ZFAT: variants seen among roughly 807,000 people sequenced by gnomAD.
ZFAT encodes zinc finger protein ZFAT.
Under a neutral mutation model 117.7 loss-of-function variants are expected in ZFAT, and 64 were observed. That is an observed-to-expected ratio of 0.54 (90% CI 0.44 to 0.67). The LOEUF is 0.67. ZFAT is among the 30% of genes least tolerant of loss of function. The pLI, the probability that ZFAT is intolerant of heterozygous loss-of-function variation, is 0.00. For missense variants in ZFAT, 1,433 were observed against 1,584.5 expected (o/e 0.90, Z 1.62); for synonymous variants, 679 against 615.0 (o/e 1.10, Z -1.54).
intron 2 of ZFAT, chr8:134,639,847 A>G (rs1040036809): frequency 4.2e-5 from 19 of 450,234 alleles, no homozygotes; most frequent in African/African-American, 3.6e-4. Flanking sequence ...CCAGGTCTAA[A>G]CCCAGTGACA....
the ZFAT span, among the ~76,000 whole-genome samples, chr8:134,829,680 A>G: frequency 6.6e-6 from 1 of 152,182 alleles, no homozygotes; most frequent in Non-Finnish European, 1.5e-5. Flanking sequence ...CTAGTAATTA[A>G]TTTGTTTTGC....
At chr8:134,597,101 C>T (rs1279246798) in intron 7 of ZFAT, among the ~76,000 whole-genome samples, 1 of 151,988 alleles carries the variant, frequency 6.6e-6, no homozygotes, top group African/African-American at 2.4e-5. Flanking sequence ...CGTTAACTGT[C>T]CTTGAAAATA....
chr8:134,534,392 A>C (rs1821661602), intron 11 of ZFAT, among the ~76,000 whole-genome samples: 1 of 152,222 alleles, frequency 6.6e-6, no homozygotes, highest in Admixed American at 6.5e-5. Context: ...ACTGTTGCCC[A>C]GAAGAGCTAA....
At chr8:134,663,612 C>T (rs184996486) in intron 1 of ZFAT, among the ~76,000 whole-genome samples, 90 of 152,216 alleles carry the variant, frequency 5.9e-4, no homozygotes, top group African/African-American at 2.0e-3. Flanking sequence ...GGGGCATACA[C>T]CTACAATCCC....
At chr8:134,535,865 T>C (rs1821798410) in intron 11 of ZFAT, among the ~76,000 whole-genome samples, 1 of 152,202 alleles carries the variant, frequency 6.6e-6, no homozygotes, top group African/African-American at 2.4e-5. Flanking sequence ...AAGATATTAT[T>C]TTTGGAATGT....
Position 134,556,539 on chromosome 8 carries a change from A to T in ZFAT, c.2976+8794T>A, listed in dbSNP as rs532070945. On this transcript the variant is annotated intron_variant, in intron 11 of 15. Transcript: ENST00000377838. ...TAGACTTGCTGATGTTAATATGATGAAAACCAAAAAAAAAGAGGAAAATCT... is the reference window on the plus strand; with the variant it reads ...TAGACTTGCTGATGTTAATATGATGTAAACCAAAAAAAAAGAGGAAAATCT... Among the ~76,000 whole-genome samples, 3 of 152,260 alleles carry T rather than the reference A, an allele frequency of 2.0e-5. No homozygotes were observed. In the East Asian group the frequency reaches 5.8e-4, roughly 29 times the overall value.
At chr8:134,654,223 A>G (rs2131187832) in intron 2 of ZFAT, among the ~76,000 whole-genome samples, 1 of 152,274 alleles carries the variant, frequency 6.6e-6, no homozygotes, top group Non-Finnish European at 1.5e-5. Context: ...TGAACCCGGG[A>G]GACGGACGTT....
At chr8:134,513,197 C>CTTT (rs763874079) in intron 13 of ZFAT, among the ~76,000 whole-genome samples, 1 of 132,976 alleles carries the variant, frequency 7.5e-6, no homozygotes, top group Non-Finnish European at 1.6e-5. Context: ...GCTATTTGTG[C>CTTT]TTTTTTTTTT....
At chr8:134,573,204 T>C (rs1170692346) in intron 10 of ZFAT, among the ~76,000 whole-genome samples, 2 of 152,172 alleles carry the variant, frequency 1.3e-5, no homozygotes, top group African/African-American at 4.8e-5. Flanking sequence ...TAACAATCCA[T>C]TGAGCTGTAC....
the ZFAT span, among the ~76,000 whole-genome samples, chr8:134,755,665 G>A: frequency 1.3e-5 from 2 of 150,960 alleles, no homozygotes; most frequent in Admixed American, 6.6e-5. Flanking sequence ...TACAAAAATT[G>A]TCTGGGTGTG....
At chr8:134,641,796 C>T (rs1158246934) in intron 2 of ZFAT, among the ~76,000 whole-genome samples, 1 of 152,176 alleles carries the variant, frequency 6.6e-6, no homozygotes, top group African/African-American at 2.4e-5. Context: ...AAGGGCTGAG[C>T]CACAGTGCCT....
At chr8:134,665,737 C>CAG (rs957400415) in intron 1 of ZFAT, among the ~76,000 whole-genome samples, 9 of 151,950 alleles carry the variant, frequency 5.9e-5, no homozygotes, top group Admixed American at 3.9e-4. Context: ...CTGTGCATCA[C>CAG]AGAGAGAGAG....
At chr8:134,665,991 C>G (rs553795523) in intron 1 of ZFAT, among the ~76,000 whole-genome samples, 44 of 152,332 alleles carry the variant, frequency 2.9e-4, no homozygotes, top group African/African-American at 1.0e-3. Context: ...ACAGAGCACC[C>G]CTTCCCATTC....
the ZFAT span, among the ~76,000 whole-genome samples, chr8:134,764,203 G>T: frequency 6.6e-6 from 1 of 152,206 alleles, no homozygotes; most frequent in Non-Finnish European, 1.5e-5. Flanking sequence ...CAAAGTCCAG[G>T]TCAATCTTTC....
chr8:134,620,263 A>T (rs1337759655), intron 3 of ZFAT, among the ~76,000 whole-genome samples: 1 of 152,224 alleles, frequency 6.6e-6, no homozygotes, highest in Admixed American at 6.5e-5. Context: ...AGGCTGAGGT[A>T]GACGAAGTAA....
intron 2 of ZFAT, among the ~76,000 whole-genome samples, chr8:134,654,452 C>A (rs1050442571): frequency 4.6e-5 from 7 of 152,170 alleles, no homozygotes; most frequent in African/African-American, 1.7e-4. Flanking sequence ...GTGGGTTCAC[C>A]TGCAACACCA....
intron 11 of ZFAT, among the ~76,000 whole-genome samples, chr8:134,541,841 T>A (rs1263359379): frequency 6.6e-6 from 1 of 152,232 alleles, no homozygotes; most frequent in African/African-American, 2.4e-5. Flanking sequence ...TACTCATAAA[T>A]AAAGTATCGG....
At chr8:134,626,986 CA>C (rs1362484096) in intron 3 of ZFAT, among the ~76,000 whole-genome samples, 2 of 152,298 alleles carry the variant, frequency 1.3e-5, no homozygotes, top group African/African-American at 4.8e-5. Context: ...TTTGAGGGTA[CA>C]GGGGGCTTCC....
chr8:134,801,979 A>AC, the ZFAT span, among the ~76,000 whole-genome samples: 3 of 152,166 alleles, frequency 2.0e-5, no homozygotes, highest in Non-Finnish European at 4.4e-5. Flanking sequence ...TGAATCAGAA[A>AC]CTTTTTTTGC....
Sources: gnomAD v4.1 joint callset for allele counts (sites outside exome capture counted in the v4.1 genomes callset) on GRCh38, gnomAD v4.1.1 for gene constraint, MANE v1.5 for transcripts, NCBI Gene and HGNC (gene_info 2026-07-23, HGNC 2026-07-21) for gene names.